Variants in APAF1 observed in about 807,000 individuals in gnomAD.
APAF1 encodes apoptotic protease-activating factor 1.
A neutral mutation model predicts 152.4 loss-of-function variants in APAF1; 91 were observed. The ratio of observed to expected loss-of-function variants is 0.60; its 90% CI spans 0.50 to 0.71. The LOEUF is 0.71. Ranked by LOEUF, APAF1 falls within the 30% of genes least tolerant of loss-of-function variation. The pLI, the probability that APAF1 is intolerant of heterozygous loss-of-function variation, is 0.00. For missense variants in APAF1, 1,283 were observed against 1,472.0 expected, an observed-to-expected ratio of 0.87 and a Z score of 2.10; for synonymous variants, 484 against 494.1, an observed-to-expected ratio of 0.98 and a Z score of 0.27.
chr12:98,718,617 G>A (rs1414827165), intron 22 of APAF1, among the ~76,000 whole-genome samples: 3 of 152,046 alleles, frequency 2.0e-5, no homozygotes, highest in South Asian at 2.1e-4. Flanking sequence ...TCTGCAGCTC[G>A]TTCTCTTATT....
chr12:98,656,540 T>G (rs151043372), intron 4 of APAF1, among the ~76,000 whole-genome samples: 1 of 152,360 alleles, frequency 6.6e-6, no homozygotes, highest in Non-Finnish European at 1.5e-5. Context: ...TGTTATATTT[T>G]AGACTTTCAT....
chr12:98,703,326 CTT>C (rs2097717715), intron 17 of APAF1, 43 bp from the exon 18 acceptor site: 2 of 1,605,382 alleles, frequency 1.2e-6, no homozygotes, highest in Admixed American at 3.3e-5. Context: ...TAGCTTATCT[CTT>C]AAAGTATTTT....
chr12:98,732,428 C>A lies in APAF1; in HGVS notation c.3609C>A (p.Asn1203Lys). Residue 1203 changes from asparagine (N) to lysine (K), a missense_variant, in exon 27 of 27, where the codon AAC becomes AAA. By Grantham distance (94) the Asn-to-Lys change is moderately conservative. Transcript: ENST00000551964. ...ISAGGYIKWW[N>K]VVTGESSQTF... ...TATTTTTCTCTGAACAGTGGTGGAA[C>A]GTTGTCACTGGGGAATCCTCACAGA... 2 of 1,613,284 alleles carry A rather than the reference C, an allele frequency of 1.2e-6. No homozygotes were observed. Among genetic ancestry groups the A allele is most frequent in the Non-Finnish European group, 1.7e-6 (2 of 1,179,238 alleles).
chr12:98,699,538 G>A lies in APAF1; in HGVS notation c.2435G>A (p.Arg812Lys). Reference protein sequence around the residue: ...KCCSWSADGARIMVAAKNKIF... With the variant: ...KCCSWSADGAKIMVAAKNKIF... ...TGTTCGTGGTCTGCTGATGGTGCAAGGATAATGGTGGCAGCAAAAAATAAA... is the reference window on the plus strand; with the variant it reads ...TGTTCGTGGTCTGCTGATGGTGCAAAGATAATGGTGGCAGCAAAAAATAAA... Residue 812 changes from arginine to lysine, a missense_variant, in exon 17 of 27, where the codon AGG becomes AAG. By Grantham distance (26) the Arg-to-Lys change is conservative. Coordinates refer to ENST00000551964, the MANE Select transcript of APAF1 (RefSeq NM_181861.2). 1 of 1,614,150 alleles carries A rather than the reference G, an allele frequency of 6.2e-7. No homozygotes were observed. Among genetic ancestry groups the A allele is most frequent in the Middle Eastern group, 1.6e-4 (1 of 6,062 alleles).
rs1257293699 is a variant in APAF1 at position 98,666,252 on chromosome 12, A to C, written c.1257A>C (p.Val419=). The stretch of plus-strand genomic sequence containing the variant: ...TTGAAGACATACTGCAGGAGTTTGT[A>C]AATAAGTCTCTTTTATTCTGTGATC... ...EEVEDILQEF[V]NKSLLFCDRN... is the part of the protein sequence containing the mutation. Residue 419 remains valine (V), a synonymous_variant, in exon 9 of 27, where the codon GTA becomes GTC. Transcript: ENST00000551964. The C allele has an allele frequency of 1.2e-5, 19 of 1,613,854 alleles. No individual in the cohort carries two copies. Among genetic ancestry groups the C allele is most frequent in the Non-Finnish European group, 1.6e-5 (19 of 1,179,898 alleles).
rs772012005 is a variant in APAF1 at position 98,659,351 on chromosome 12, T to G, written c.710+8T>G. 1 of 1,614,104 alleles carries G rather than the reference T, an allele frequency of 6.2e-7. No individual in the cohort carries two copies. The highest frequency in any genetic ancestry group is 8.5e-7 in the Non-Finnish European group (1 of 1,179,952). ...GCTTCGCAAACACCCAAGGTACCGA[T>G]GGTCAAATTTAGTTGGTGTGTCAGG... On this transcript the variant is annotated splice_region_variant and intron_variant, in intron 5 of 26. Transcript: ENST00000551964.
intron 20 of APAF1, among the ~76,000 whole-genome samples, chr12:98,710,030 C>T (rs965998347): frequency 4.6e-5 from 7 of 152,136 alleles, no homozygotes; most frequent in African/African-American, 1.4e-4. Flanking sequence ...TGTGCTACCA[C>T]GCATGGCTAA....
intron 4 of APAF1, among the ~76,000 whole-genome samples, chr12:98,653,512 C>T (rs1006653127): frequency 1.3e-5 from 2 of 150,572 alleles, no homozygotes; most frequent in Non-Finnish European, 3.0e-5. Flanking sequence ...CAAAAATTTG[C>T]TGGGCGTGGT....
intron 3 of APAF1, chr12:98,649,051 T>G (rs770944215): frequency 1.3e-6 from 1 of 752,700 alleles, no homozygotes. Context: ...ACCCTAATTT[T>G]TAGAGACAAT....
chr12:98,725,618 C>G, intron 25 of APAF1, 78 bp downstream of exon 25: 1 of 1,596,406 alleles, frequency 6.3e-7, no homozygotes, highest in Admixed American at 1.7e-5. Context: ...GACCTTTGTT[C>G]ACGGGCCAGG....
chr12:98,699,232 C>T lies in APAF1; in HGVS notation c.2305-176C>T, dbSNP rs533850313. On this transcript the variant is annotated intron_variant, in intron 16 of 26. Coordinates refer to ENST00000551964, the MANE Select transcript of APAF1 (RefSeq NM_181861.2). Reference sequence around the variant, plus strand: ...GCTTCTAATTTTTTCTTTTTAAGAACGTAATAATGAAACTGGAGATCTTAA... The same window carrying T: ...GCTTCTAATTTTTTCTTTTTAAGAATGTAATAATGAAACTGGAGATCTTAA... Among the ~76,000 whole-genome samples, 18 of 152,132 alleles carry T rather than the reference C, an allele frequency of 1.2e-4. No homozygotes were observed. In the South Asian group the frequency reaches 2.1e-3, roughly 18 times the overall value.
chr12:98,665,764 T>G lies in APAF1; in HGVS notation c.1167T>G (p.Leu389=). The G allele has an allele frequency of 6.2e-7, 1 of 1,613,840 alleles. No individual in the cohort carries two copies. The highest frequency in any genetic ancestry group is 8.5e-7 in the Non-Finnish European group (1 of 1,179,784). ...ATTATTACACAGATCTTTCCATCCT[T>G]CAGAAGGACGTTAAGGTGCCTACAA... is the stretch of plus-strand genomic sequence containing the variant. ...IKDYYTDLSI[L]QKDVKVPTKV... is the part of the protein sequence containing the mutation. The change falls in exon 8 of 27, where the codon CTT becomes CTG. Residue 389 remains leucine, a synonymous_variant. Coordinates refer to ENST00000551964, the MANE Select transcript of APAF1 (RefSeq NM_181861.2).
At chr12:98,652,635 A>T (rs117466473) in intron 4 of APAF1, among the ~76,000 whole-genome samples, 4,726 of 148,638 alleles carry the variant, frequency 0.032, 158 homozygotes, top group East Asian at 0.12. Flanking sequence ...ATTTTATTTT[A>T]TTTTTTTTGA....
intron 21 of APAF1, among the ~76,000 whole-genome samples, chr12:98,713,111 A>G (rs1337564006): frequency 3.3e-5 from 5 of 152,194 alleles, no homozygotes; most frequent in African/African-American, 1.2e-4. Flanking sequence ...GAGCCACCAC[A>G]TCCAGCCTAT....
chr12:98,722,074 T>C (rs942065386), intron 22 of APAF1, among the ~76,000 whole-genome samples: 3 of 152,234 alleles, frequency 2.0e-5, no homozygotes, highest in African/African-American at 7.2e-5. Context: ...CTGTTTCTTC[T>C]GCGTCTCCTA....
At chr12:98,679,047 C>G (rs954793948) in intron 13 of APAF1, among the ~76,000 whole-genome samples, 2 of 152,218 alleles carry the variant, frequency 1.3e-5, no homozygotes, top group Non-Finnish European at 1.5e-5. Flanking sequence ...GGCCTGAAGA[C>G]TGGGGGCTGG....
intron 5 of APAF1, among the ~76,000 whole-genome samples, chr12:98,661,156 C>T (rs1026723729): frequency 2.0e-5 from 3 of 152,210 alleles, no homozygotes; most frequent in African/African-American, 7.2e-5. Flanking sequence ...CCACCTTGGC[C>T]TCCCAAAGTG....
At chr12:98,696,906 C>T (rs1385875518) in intron 16 of APAF1, among the ~76,000 whole-genome samples, 1 of 152,156 alleles carries the variant, frequency 6.6e-6, no homozygotes, top group African/African-American at 2.4e-5. Context: ...AAGTATACTT[C>T]CTGGCTGTTC....
intron 19 of APAF1, 78 bp downstream of exon 19, chr12:98,706,688 G>A: frequency 6.5e-7 from 1 of 1,538,130 alleles, no homozygotes; most frequent in South Asian, 1.1e-5. Flanking sequence ...AAATTGATGG[G>A]TAGCACTGAG....
Sources: gnomAD v4.1 joint callset for allele counts (sites outside exome capture counted in the v4.1 genomes callset) on GRCh38, gnomAD v4.1.1 for gene constraint, MANE v1.5 for transcripts, NCBI Gene and HGNC (gene_info 2026-07-23, HGNC 2026-07-21) for gene names.